Variants in UCHL5 observed in about 807,000 individuals in gnomAD.
UCHL5 encodes the protein ubiquitin C-terminal hydrolase L5.
In UCHL5, 34 loss-of-function variants were observed where a neutral mutation model predicts 53.8. The ratio of observed to expected loss-of-function variants is 0.63; its 90% CI spans 0.48 to 0.84. UCHL5 has a LOEUF of 0.84. Among genes scored for constraint, UCHL5 ranks in the 40% least tolerant of loss-of-function variants. The probability of loss-of-function intolerance (pLI) is 0.00; values close to 1 mark genes in which losing one functional copy is unlikely to be tolerated. For missense variants in UCHL5, 290 were observed against 385.6 expected (o/e 0.75, Z 2.08); for synonymous variants, 111 against 126.3 (o/e 0.88, Z 0.81).
intron 3 of UCHL5, among the ~76,000 whole-genome samples, chr1:193,038,823 T>C (rs377247083): frequency 8.6e-5 from 13 of 152,020 alleles, no homozygotes; most frequent in East Asian, 5.8e-4. Context: ...AATGAGACCC[T>C]GTCTCTACAG....
At position 193,013,300 on chromosome 1, in the gene UCHL5, C is replaced by T. The variant is rs567579056; in HGVS notation, c.*3051G>A. 6.6e-5 allele frequency: 10 copies of T among 152,066 alleles called. No individual in the cohort carries two copies. Among genetic ancestry groups the T allele is most frequent in the Middle Eastern group, 3.2e-3 (1 of 316 alleles). The allele number at this position is 152,066 out of a possible 1,614,324, so 9.4% of individuals were successfully genotyped here. ...ATCTCTGGAGACTTAAGCTTGAAAC[C>T]GCTCCTCCAAACCTTCCAATGATTT... On this transcript the variant is annotated 3_prime_UTR_variant, in exon 11 of 11. Coordinates refer to ENST00000367454, the MANE Select transcript of UCHL5 (RefSeq NM_001199261.3).
At chr1:193,025,536 C>G (rs1658864300) in intron 7 of UCHL5, among the ~76,000 whole-genome samples, 1 of 152,172 alleles carries the variant, frequency 6.6e-6, no homozygotes, top group Admixed American at 6.5e-5. Context: ...GCACTCCTAC[C>G]CCTCTCAGCC....
At chr1:193,037,047 A>G (rs1663779391) in intron 3 of UCHL5, among the ~76,000 whole-genome samples, 1 of 152,030 alleles carries the variant, frequency 6.6e-6, no homozygotes, top group Non-Finnish European at 1.5e-5. Context: ...AAAAAGTAGA[A>G]AGACTCCAAA....
intron 3 of UCHL5, among the ~76,000 whole-genome samples, chr1:193,039,568 C>G (rs143971094): frequency 1.3e-5 from 2 of 152,238 alleles, no homozygotes; most frequent in African/African-American, 4.8e-5. Context: ...AATGACAATT[C>G]TACTGAAAGC....
Position 193,049,740 on chromosome 1 carries a change from C to T in UCHL5, c.246+6G>A, listed in dbSNP as rs1668421666. The stretch of plus-strand genomic sequence containing the variant: ...TGAGACTTTTCAGAGTATCCAAGGA[C>T]CATACCTGCTTAGCAAAAAATATCG... On this transcript the variant is annotated splice_donor_region_variant and intron_variant, in intron 3 of 10. Coordinates refer to ENST00000367454, the MANE Select transcript of UCHL5 (RefSeq NM_001199261.3). 6.2e-7 allele frequency: 1 copy of T among 1,607,004 alleles called. No homozygotes were observed. Among genetic ancestry groups the T allele is most frequent in the South Asian group, 1.1e-5 (1 of 90,226 alleles).
intron 3 of UCHL5, among the ~76,000 whole-genome samples, chr1:193,037,770 T>C (rs967210161): frequency 4.7e-5 from 7 of 150,182 alleles, no homozygotes; most frequent in Non-Finnish European, 1.0e-4. Context: ...CCAAATTAAA[T>C]AATACCACAT....
intron 3 of UCHL5, among the ~76,000 whole-genome samples, chr1:193,033,671 A>G (rs1277612150): frequency 6.6e-6 from 1 of 152,172 alleles, no homozygotes; most frequent in Non-Finnish European, 1.5e-5. Flanking sequence ...AGTGATACTG[A>G]AAAAAAGTAT....
At chr1:193,019,995 C>A in intron 10 of UCHL5, 1 of 984,498 alleles carries the variant, frequency 1.0e-6, no homozygotes, top group Non-Finnish European at 1.2e-6. Flanking sequence ...TCTTGTTAAC[C>A]AAGCAATTTT....
intron 10 of UCHL5, among the ~76,000 whole-genome samples, chr1:193,019,488 A>G (rs1412398440): frequency 6.6e-6 from 1 of 151,728 alleles, no homozygotes; most frequent in Non-Finnish European, 1.5e-5. Context: ...TATAAGAAAT[A>G]AATCTATCTC....
chr1:193,039,479 C>A (rs1664789880), intron 3 of UCHL5, among the ~76,000 whole-genome samples: 2 of 151,960 alleles, frequency 1.3e-5, no homozygotes. Flanking sequence ...TATACAAGGA[C>A]AAGTATAAAG....
At chr1:193,048,399 T>C (rs190488931) in intron 3 of UCHL5, among the ~76,000 whole-genome samples, 15 of 152,326 alleles carry the variant, frequency 9.8e-5, no homozygotes, top group Admixed American at 9.8e-4. Context: ...ATATCTAATG[T>C]GTCAACACTT....
chr1:193,044,636 T>A (rs1358216535), intron 3 of UCHL5, among the ~76,000 whole-genome samples: 1 of 152,184 alleles, frequency 6.6e-6, no homozygotes, highest in Non-Finnish European at 1.5e-5. Context: ...AATCCCATTA[T>A]AAATGCCATT....
upstream of UCHL5, chr1:193,059,511 G>A (rs1475287538): frequency 4.4e-6 from 7 of 1,588,768 alleles, no homozygotes; most frequent in Non-Finnish European, 6.0e-6. The surrounding 1 kb of genome is among the most constrained non-coding windows in gnomAD (Gnocchi z 4.9). Flanking sequence ...CGGAAGGGCT[G>A]GGGCCTGAGA....
intron 3 of UCHL5, among the ~76,000 whole-genome samples, chr1:193,044,457 A>G (rs1481679260): frequency 3.9e-5 from 6 of 152,142 alleles, no homozygotes; most frequent in Admixed American, 3.9e-4. Context: ...AACAGTTATC[A>G]AAATTTCATT....
At chr1:193,028,175 C>CG in intron 6 of UCHL5, 27 bp from the exon 7 acceptor site, 1 of 1,543,132 alleles carries the variant, frequency 6.5e-7, no homozygotes, top group African/African-American at 1.4e-5. Context: ...AAACAGTTAA[C>CG]ACAAATAAAA....
chr1:193,021,550 C>T (rs891685071), intron 9 of UCHL5, among the ~76,000 whole-genome samples: 22 of 152,158 alleles, frequency 1.4e-4, no homozygotes, highest in Non-Finnish European at 2.5e-4. Context: ...ATGAGACCAG[C>T]TTTATTTTGT....
chr1:193,029,853 C>T lies in UCHL5; in HGVS notation c.247-196G>A, dbSNP rs1352014126. On this transcript the variant is annotated intron_variant, in intron 3 of 10. Coordinates refer to ENST00000367454, the MANE Select transcript of UCHL5 (RefSeq NM_001199261.3). ...TGCTGCACTTCTGGAGTTGAAAATT[C>T]TAGGAAACCAAATGAACTCAATGAA... Among the ~76,000 whole-genome samples, 3 of 152,160 alleles carry T rather than the reference C, an allele frequency of 2.0e-5. No individual in the cohort carries two copies. The East Asian group carries it at 5.8e-4, about 29-fold the overall frequency.
At chr1:193,033,761 G>A (rs1662377113) in intron 3 of UCHL5, among the ~76,000 whole-genome samples, 1 of 151,876 alleles carries the variant, frequency 6.6e-6, no homozygotes, top group Non-Finnish European at 1.5e-5. Flanking sequence ...AAATAGTAAA[G>A]GAAAAAATCA....
chr1:193,021,035 A>G (rs1656816406), intron 10 of UCHL5, 62 bp downstream of exon 10: 4 of 1,285,508 alleles, frequency 3.1e-6, no homozygotes, highest in Non-Finnish European at 4.4e-6. Context: ...AAAATAAAAA[A>G]TACATTTTAT....
Sources: allele counts gnomAD v4.1 joint callset (sites outside exome capture counted in the v4.1 genomes callset), GRCh38; gene constraint gnomAD v4.1.1; non-coding constraint Gnocchi (gnomAD v3.1); transcripts MANE v1.5; gene names NCBI Gene and HGNC (gene_info 2026-07-23, HGNC 2026-07-21).